The following ROBO1 variants were observed in gnomAD, a reference collection of about 807,000 sequenced individuals.
The protein encoded by ROBO1 is roundabout homolog 1.
A neutral mutation model predicts 195.9 loss-of-function variants in ROBO1; 149 were observed. That is an observed-to-expected ratio of 0.76 (90% CI 0.67 to 0.87). The LOEUF (loss-of-function observed/expected upper bound fraction) is 0.87, where lower values mean the gene tolerates loss of function less well. ROBO1 is among the 40% of genes least tolerant of loss of function. The pLI is 0.00. For synonymous variants in ROBO1, 816 were observed against 733.2 expected (o/e 1.11, Z -1.82); for missense variants, 1,933 against 2,068.3 (o/e 0.93, Z 1.27).
intron 4 of ROBO1, among the ~76,000 whole-genome samples, chr3:78,820,459 T>C (rs571162372): frequency 2.6e-5 from 4 of 152,316 alleles, no homozygotes; most frequent in South Asian, 4.1e-4. Context: ...GTACTAATGT[T>C]AACGTAGGTA....
At chr3:79,305,037 G>A (rs9832396) in intron 2 of ROBO1, among the ~76,000 whole-genome samples, 58,066 of 151,942 alleles carry the variant, frequency 0.38, 16,004 homozygotes, top group African/African-American at 0.79. Context: ...TTTTAGTTTT[G>A]GGCATTTTAT....
chr3:78,999,480 G>A (rs547435435), intron 3 of ROBO1, among the ~76,000 whole-genome samples: 2 of 152,082 alleles, frequency 1.3e-5, no homozygotes, highest in East Asian at 3.9e-4. Flanking sequence ...ATGATAAGTG[G>A]GAGCTAAAAT....
At chr3:78,803,726 A>G (rs891054458) in intron 4 of ROBO1, among the ~76,000 whole-genome samples, 4 of 152,150 alleles carry the variant, frequency 2.6e-5, no homozygotes, top group Non-Finnish European at 5.9e-5. Flanking sequence ...CAACACAGGA[A>G]TAAGTCAGCC....
chr3:79,501,117 TA>T, intron 2 of ROBO1, among the ~76,000 whole-genome samples: 1 of 152,300 alleles, frequency 6.6e-6, no homozygotes, highest in East Asian at 1.9e-4. Context: ...ACCTGTTTTT[TA>T]TAAGTCATTT....
chr3:79,672,039 CA>C (rs1387568655), intron 1 of ROBO1, among the ~76,000 whole-genome samples: 2 of 151,904 alleles, frequency 1.3e-5, no homozygotes, highest in African/African-American at 4.8e-5. Context: ...TCATTGATCA[CA>C]AAAGAACAAT....
chr3:79,407,146 T>G (rs1448338563), intron 2 of ROBO1, among the ~76,000 whole-genome samples: 1 of 152,134 alleles, frequency 6.6e-6, no homozygotes, highest in African/African-American at 2.4e-5. Flanking sequence ...CAGACTGGTC[T>G]TGAACTCCTG....
chr3:78,901,311 G>T lies in ROBO1; in HGVS notation c.499+37290C>A, dbSNP rs552490081. ...TAATTGACCCACGAAATATCATCAG[G>T]AATTTTCATTCAGGCAACAAAAATA... On this transcript the variant is annotated intron_variant, in intron 4 of 30. Transcript: ENST00000464233. Among the ~76,000 whole-genome samples the T allele has an allele frequency of 2.0e-5, 3 of 152,172 alleles. No individual in the cohort carries two copies. In the South Asian group the frequency reaches 6.2e-4, roughly 32 times the overall value.
intron 4 of ROBO1, among the ~76,000 whole-genome samples, chr3:78,754,183 G>A (rs1158676059): frequency 6.6e-6 from 1 of 152,092 alleles, no homozygotes; most frequent in Non-Finnish European, 1.5e-5. Context: ...CATTTATATG[G>A]TGCATTACAT....
chr3:78,855,762 T>C (rs1279461659), intron 4 of ROBO1, among the ~76,000 whole-genome samples: 1 of 151,874 alleles, frequency 6.6e-6, no homozygotes, highest in Non-Finnish European at 1.5e-5. Flanking sequence ...GTTTTAAAGA[T>C]CATTAAACAG....
At position 78,659,773 on chromosome 3, in the gene ROBO1, G is replaced by T; in HGVS notation, c.2355C>A (p.Ser785=). 1 of 1,603,456 alleles carries T rather than the reference G, an allele frequency of 6.2e-7. No individual in the cohort carries two copies. The highest frequency in any genetic ancestry group is 8.5e-7 in the Non-Finnish European group (1 of 1,174,434). Residue 785 remains serine (S), a synonymous_variant, in exon 17 of 31, where the codon TCC becomes TCA. Coordinates refer to ENST00000464233, the MANE Select transcript of ROBO1 (RefSeq NM_002941.4). ...PSAPPQGVTV[S]KNDGNGTAIL... is the part of the protein sequence containing the mutation. ...TTGCAGTTCCGTTTCCATCATTCTT[G>T]GATACAGTTACACCTTGGGGTGGGG...
intron 1 of ROBO1, among the ~76,000 whole-genome samples, chr3:79,687,431 C>T (rs1305234286): frequency 6.6e-6 from 1 of 152,124 alleles, no homozygotes; most frequent in South Asian, 2.1e-4. Context: ...TCAGAGTGAA[C>T]AGGCAACCTA....
chr3:78,624,724 C>T (rs147549633), intron 26 of ROBO1, among the ~76,000 whole-genome samples: 35 of 152,138 alleles, frequency 2.3e-4, no homozygotes, highest in African/African-American at 8.2e-4. Context: ...GAGATACGAA[C>T]AGCAAATACT....
chr3:79,693,439 GTTTGT>G (rs1947354332), intron 1 of ROBO1, among the ~76,000 whole-genome samples: 1 of 149,984 alleles, frequency 6.7e-6, no homozygotes, highest in East Asian at 2.0e-4. Flanking sequence ...TTTTTTGTTT[GTTTGT>G]TTTGACACAG....
In ROBO1 at chr3:78,986,327, C is replaced by G. The variant is rs192661245; in HGVS notation, c.173-47400G>C. Among the ~76,000 whole-genome samples the G allele has an allele frequency of 2.6e-4, 40 of 152,052 alleles. No individual in the cohort carries two copies. The East Asian group carries it at 6.0e-3, about 23-fold the overall frequency. ...AACATGCTTGGGTCACTAGCAATTACTATCAGCATAGGTTATAATTCCATG... is the reference window on the plus strand; with the variant it reads ...AACATGCTTGGGTCACTAGCAATTAGTATCAGCATAGGTTATAATTCCATG... On this transcript the variant is annotated intron_variant, in intron 3 of 30. Coordinates refer to ENST00000464233, the MANE Select transcript of ROBO1 (RefSeq NM_002941.4).
chr3:79,270,081 T>C (rs1328851456), intron 2 of ROBO1, among the ~76,000 whole-genome samples: 1 of 151,790 alleles, frequency 6.6e-6, no homozygotes, highest in East Asian at 1.9e-4. Flanking sequence ...TCTATTTTGC[T>C]TCCCCACAGG....
chr3:79,716,813 G>A (rs1045092993), intron 1 of ROBO1, among the ~76,000 whole-genome samples: 1 of 151,920 alleles, frequency 6.6e-6, no homozygotes, highest in Non-Finnish European at 1.5e-5. Flanking sequence ...TTAAAGAGAT[G>A]TCTGAAATCA....
chr3:79,018,804 G>A, intron 3 of ROBO1: 2 of 1,050,400 alleles, frequency 1.9e-6, no homozygotes, highest in Admixed American at 9.4e-5. Flanking sequence ...GGAGCCTCCC[G>A]GCGTGCGCCC....
At chr3:79,110,435 C>A (rs2108531177) in intron 3 of ROBO1, among the ~76,000 whole-genome samples, 1 of 151,898 alleles carries the variant, frequency 6.6e-6, no homozygotes, top group South Asian at 2.1e-4. Context: ...GGCCTAAGTT[C>A]TTTTCTTTCT....
intron 7 of ROBO1, among the ~76,000 whole-genome samples, chr3:78,716,769 G>GA (rs2081912853): frequency 6.6e-6 from 1 of 152,040 alleles, no homozygotes. Flanking sequence ...GCCTTTATTT[G>GA]AATGGCACAT....
Sources: allele counts gnomAD v4.1 joint callset (sites outside exome capture counted in the v4.1 genomes callset), GRCh38; gene constraint gnomAD v4.1.1; transcripts MANE v1.5; gene names NCBI Gene and HGNC (gene_info 2026-07-23, HGNC 2026-07-21).